Variants in VPS13C observed in about 807,000 individuals in gnomAD.
The protein encoded by VPS13C is vacuolar protein sorting 13 homolog C, also known as intermembrane lipid transfer protein VPS13C.
A neutral mutation model predicts 456.8 loss-of-function variants in VPS13C; 358 were observed. The ratio of observed to expected loss-of-function variants is 0.78; its 90% CI spans 0.72 to 0.86. VPS13C has a LOEUF of 0.86. Ranked by LOEUF, VPS13C falls within the 40% of genes least tolerant of loss-of-function variation. The pLI, the probability that VPS13C is intolerant of heterozygous loss-of-function variation, is 0.00. For synonymous variants in VPS13C, 1,578 were observed against 1,486.7 expected (o/e 1.06, Z -1.41); for missense variants, 4,818 against 4,385.4 (o/e 1.10, Z -2.79).
Position 61,868,867 on chromosome 15 carries a change from AC to A in VPS13C, c.10749-95del, listed in dbSNP as rs879037781. Reference sequence around the variant, plus strand: ...TAAATACATAAATATTTCACAAAAAACAATCAGTAATTTTAAATAGCTTTCC... The same window carrying A: ...TAAATACATAAATATTTCACAAAAAAAATCAGTAATTTTAAATAGCTTTCC... On this transcript the variant is annotated intron_variant, in intron 80 of 84. Transcript: ENST00000644861. 433 of 1,028,500 alleles carry A rather than the reference AC, an allele frequency of 4.2e-4. 9 individuals are homozygous for A. The South Asian group carries it at 6.6e-3, about 16-fold the overall frequency. The allele number at this position is 1,028,500 out of a possible 1,614,324, so 63.7% of individuals were successfully genotyped here. A position where few individuals can be genotyped will look rare whatever the true frequency, so the allele number is the denominator to read the frequency against.
chr15:61,954,532 T>C lies in VPS13C; in HGVS notation c.4188A>G (p.Glu1396=), dbSNP rs753302056. Residue 1396 remains glutamate, a synonymous_variant, in exon 38 of 85, where the codon GAA becomes GAG. Coordinates refer to ENST00000644861, the MANE Select transcript of VPS13C (RefSeq NM_020821.3). ...QETGEIKEPL[E]ISISQDVHDS... ...CATGTACATCTTGTGATATAGAGAT[T>C]TCAAGGGGCTCTTTAATTTCACCTG... is the stretch of plus-strand genomic sequence containing the variant. 1 of 1,581,456 alleles carries C rather than the reference T, an allele frequency of 6.3e-7. No homozygotes were observed. Among genetic ancestry groups the C allele is most frequent in the Admixed American group, 2.0e-5 (1 of 51,120 alleles).
rs2045235639 is a variant in VPS13C, at chr15:61,962,353, T to A, written c.3603+18A>T. The A allele has an allele frequency of 1.3e-6, 2 of 1,562,232 alleles. No homozygotes were observed. The highest frequency in any genetic ancestry group is 1.7e-6 in the Non-Finnish European group (2 of 1,152,984). ...ATATTTCAAAGTTGAAAAATCAATATACAAATAATTATTTTACCAGAAGTG... is the reference window on the plus strand; with the variant it reads ...ATATTTCAAAGTTGAAAAATCAATAAACAAATAATTATTTTACCAGAAGTG... On this transcript the variant is annotated intron_variant, in intron 34 of 84. Transcript: ENST00000644861.
chr15:61,865,594 GTATA>G (rs765596173), intron 81 of VPS13C: 12 of 614,514 alleles, frequency 2.0e-5, no homozygotes, highest in South Asian at 7.3e-5. Context: ...ATATGTGTGT[GTATA>G]TATGTATGTG....
rs1306700865 is a variant in VPS13C at position 61,858,999 on chromosome 15, T to G, written c.10953-2590A>C. On this transcript the variant is annotated intron_variant, in intron 82 of 84. Coordinates refer to ENST00000644861, the MANE Select transcript of VPS13C (RefSeq NM_020821.3). This position sits in a 1 kb window ranked among gnomAD's most constrained non-coding sequence, Gnocchi z 4.4. ...CATCATATTACTTGTTTACAAACCT[T>G]CTGTGGGGTAGAAAAAAAGAGAGAT... Among the ~76,000 whole-genome samples, 3 of 152,146 alleles carry G rather than the reference T, an allele frequency of 2.0e-5. No homozygotes were observed. Among genetic ancestry groups the G allele is most frequent in the Non-Finnish European group, 4.4e-5 (3 of 68,022 alleles).
intron 16 of VPS13C, among the ~76,000 whole-genome samples, chr15:61,996,664 A>G (rs573464043): frequency 6.6e-6 from 1 of 151,358 alleles, no homozygotes; most frequent in Non-Finnish European, 1.5e-5. Flanking sequence ...AATGCAAACT[A>G]TAAAAAAAAA....
chr15:62,058,008 G>A (rs2048856605), intron 1 of VPS13C, among the ~76,000 whole-genome samples: 1 of 151,932 alleles, frequency 6.6e-6, no homozygotes, highest in Non-Finnish European at 1.5e-5. Flanking sequence ...AAGTAAATAT[G>A]GCATAATATT....
chr15:61,954,280 T>G lies in VPS13C; in HGVS notation c.4299+141A>C, dbSNP rs961926050. Reference sequence around the variant, plus strand: ...CCCAAATCCTTAACAAACTTTCAATTTTTAAAACATCACTGCTACATGTGA... The same window carrying G: ...CCCAAATCCTTAACAAACTTTCAATGTTTAAAACATCACTGCTACATGTGA... On this transcript the variant is annotated intron_variant, in intron 38 of 84. Coordinates refer to ENST00000644861, the MANE Select transcript of VPS13C (RefSeq NM_020821.3). 8.0e-6 allele frequency: 7 copies of G among 873,896 alleles called. No homozygotes were observed. The African/African-American group carries it at 1.1e-4, about 13-fold the overall frequency. The allele number at this position is 873,896 out of a possible 1,614,324, so 54.1% of individuals were successfully genotyped here. A position where few individuals can be genotyped will look rare whatever the true frequency, so the allele number is the denominator to read the frequency against.
intron 27 of VPS13C, 48 bp from the exon 28 acceptor site, chr15:61,969,500 A>G: frequency 7.5e-7 from 1 of 1,336,748 alleles, no homozygotes; most frequent in Non-Finnish European, 9.9e-7. Context: ...TCTGAATCAT[A>G]CTTAAAATAA....
Position 61,867,447 on chromosome 15 carries a change from G to A in VPS13C, c.10863+1212C>T. 1.0e-6 allele frequency: 1 copy of A among 986,932 alleles called. No homozygotes were observed. Among genetic ancestry groups the A allele is most frequent in the East Asian group, 1.1e-4 (1 of 8,856 alleles). 61.1% of individuals were successfully genotyped at this position (986,932 alleles called of 1,614,324 possible). A position where few individuals can be genotyped will look rare whatever the true frequency, so the allele number is the denominator to read the frequency against. On this transcript the variant is annotated intron_variant, in intron 81 of 84. Coordinates refer to ENST00000644861, the MANE Select transcript of VPS13C (RefSeq NM_020821.3). The surrounding 1 kb of genome is among the most constrained non-coding windows in gnomAD (Gnocchi z 5.0). Reference sequence around the variant, plus strand: ...TGACAATTCAATTATTAAAGCAGATGCTCCAGGTAATAGTCCCGTAACTTA... The same window carrying A: ...TGACAATTCAATTATTAAAGCAGATACTCCAGGTAATAGTCCCGTAACTTA...
At chr15:61,986,128 TACAC>T (rs371577636) in intron 18 of VPS13C, among the ~76,000 whole-genome samples, 44 of 143,560 alleles carry the variant, frequency 3.1e-4, no homozygotes, top group Non-Finnish European at 5.7e-4. Flanking sequence ...CACACACCGG[TACAC>T]ACACACACAC....
At chr15:61,872,838 T>C (rs948955082) in intron 78 of VPS13C, among the ~76,000 whole-genome samples, 5 of 152,146 alleles carry the variant, frequency 3.3e-5, no homozygotes, top group Non-Finnish European at 5.9e-5. Flanking sequence ...ATATTACCTA[T>C]ATAATTTTAA....
chr15:61,964,103 T>G (rs1211020474), intron 31 of VPS13C, 152 bp from the exon 32 acceptor site: 1 of 514,506 alleles, frequency 1.9e-6, no homozygotes, highest in Non-Finnish European at 3.4e-6. Context: ...TTTTTTGCTT[T>G]ATATATTCTG....
At chr15:61,892,437 T>A (rs13379492) in intron 66 of VPS13C, among the ~76,000 whole-genome samples, 49,031 of 151,878 alleles carry the variant, frequency 0.32, 9,208 homozygotes, top group Non-Finnish European at 0.4. Context: ...TATACCACCA[T>A]CTAGTGCTGA....
At position 61,908,978 on chromosome 15, in the gene VPS13C, C is replaced by A. The variant is rs761704628; in HGVS notation, c.8978+14G>T. ...CCAATAAAAGTATTTCCCATTAACC[C>A]TTTTTTCTCATACCTCTGTTTGTAT... On this transcript the variant is annotated intron_variant, in intron 65 of 84. Coordinates refer to ENST00000644861, the MANE Select transcript of VPS13C (RefSeq NM_020821.3). The A allele has an allele frequency of 1.2e-6, 2 of 1,609,982 alleles. No homozygotes were observed. The highest frequency in any genetic ancestry group is 1.7e-6 in the Non-Finnish European group (2 of 1,177,930).
intron 10 of VPS13C, among the ~76,000 whole-genome samples, 192 bp downstream of exon 10, chr15:62,013,741 T>C (rs1213846540): frequency 1.3e-5 from 2 of 152,014 alleles, no homozygotes; most frequent in African/African-American, 4.8e-5. Flanking sequence ...CTTCACTTGA[T>C]AGGTAAAGAA....
chr15:61,961,785 G>T lies in VPS13C; in HGVS notation c.3712C>A (p.Arg1238Ser). The change falls in exon 35 of 85, where the codon CGT (arginine) becomes AGT (serine). Residue 1238 changes from arginine to serine, a missense_variant. By Grantham distance (110) the Arg-to-Ser change is moderately radical. Transcript: ENST00000644861. ...SVKDLAQRSF[R>S]VSINIDLKAP... is the part of the protein sequence containing the mutation. ...TTCAAATCAATATTGATGGAAACACGAAAACTCCTCTGGGCAAGATCTTTC... is the reference window on the plus strand; with the variant it reads ...TTCAAATCAATATTGATGGAAACACTAAAACTCCTCTGGGCAAGATCTTTC... The T allele has an allele frequency of 5.6e-6, 9 of 1,613,946 alleles. No homozygotes were observed. The highest frequency in any genetic ancestry group is 7.6e-6 in the Non-Finnish European group (9 of 1,179,944).
chr15:61,893,252 A>T (rs981209526), intron 66 of VPS13C, among the ~76,000 whole-genome samples: 1 of 152,168 alleles, frequency 6.6e-6, no homozygotes, highest in East Asian at 1.9e-4. Flanking sequence ...AGCAGATAAC[A>T]TATAAAGAAG....
chr15:62,000,790 T>A (rs2046585746), intron 15 of VPS13C, among the ~76,000 whole-genome samples, 164 bp from the exon 16 acceptor site: 1 of 152,144 alleles, frequency 6.6e-6, no homozygotes, highest in African/African-American at 2.4e-5. Context: ...ATTTTTTAAT[T>A]TTTTACAGTA....
intron 73 of VPS13C, among the ~76,000 whole-genome samples, chr15:61,880,286 A>G (rs1399229419): frequency 6.6e-6 from 1 of 152,132 alleles, no homozygotes; most frequent in African/African-American, 2.4e-5. Context: ...CTCTGTTTAG[A>G]CAGTGATAGT....
Sources: allele counts gnomAD v4.1 joint callset (sites outside exome capture counted in the v4.1 genomes callset), GRCh38; gene constraint gnomAD v4.1.1; non-coding constraint Gnocchi (gnomAD v3.1); transcripts MANE v1.5; gene names NCBI Gene and HGNC (gene_info 2026-07-23, HGNC 2026-07-21).